The following AGO3 variants were observed in gnomAD, a reference collection of about 807,000 sequenced individuals.
AGO3 encodes the protein argonaute RISC catalytic component 3, also known as protein argonaute-3.
In AGO3, 16 loss-of-function variants were observed where a neutral mutation model predicts 105.5. The ratio of observed to expected loss-of-function variants is 0.15; its 90% CI spans 0.10 to 0.23. The LOEUF (loss-of-function observed/expected upper bound fraction) is 0.23. Among genes scored for constraint, AGO3 ranks in the 10% least tolerant of loss-of-function variants. The pLI is 1.00. For synonymous variants in AGO3, 340 were observed against 367.3 expected (o/e 0.93, Z 0.85); for missense variants, 534 against 1,088.0 (o/e 0.49, Z 7.16).
At chr1:35,951,364 C>T (rs1452456037) in intron 2 of AGO3, among the ~76,000 whole-genome samples, 1 of 152,124 alleles carries the variant, frequency 6.6e-6, no homozygotes, top group Non-Finnish European at 1.5e-5. Flanking sequence ...CTGCATATTT[C>T]ATATTGATAT....
chr1:36,020,364 C>G, intron 11 of AGO3, among the ~76,000 whole-genome samples: 1 of 152,086 alleles, frequency 6.6e-6, no homozygotes, highest in Non-Finnish European at 1.5e-5. Flanking sequence ...AAAATCTGGC[C>G]AAGTATTTTC....
chr1:35,984,733 CA>C (rs1222296397), intron 5 of AGO3, among the ~76,000 whole-genome samples: 2 of 152,062 alleles, frequency 1.3e-5, no homozygotes, highest in Admixed American at 1.3e-4. Context: ...TCATATTAAA[CA>C]AAGAATGAAT....
chr1:35,953,197 G>A (rs1206854856), intron 2 of AGO3, among the ~76,000 whole-genome samples: 1 of 151,966 alleles, frequency 6.6e-6, no homozygotes, highest in Non-Finnish European at 1.5e-5. Context: ...GGGATGCTGA[G>A]GTGAAAGGAT....
chr1:35,998,682 A>G (rs949725163), intron 5 of AGO3, among the ~76,000 whole-genome samples: 1 of 151,806 alleles, frequency 6.6e-6, no homozygotes, highest in African/African-American at 2.4e-5. Flanking sequence ...GCCACTTTTT[A>G]TTGTTTTATT....
At chr1:35,946,664 A>T (rs570250461) in intron 2 of AGO3, among the ~76,000 whole-genome samples, 12 of 152,326 alleles carry the variant, frequency 7.9e-5, no homozygotes, top group Non-Finnish European at 1.5e-4. Context: ...TGGTAGAGGA[A>T]ATAAGACATG....
chr1:35,973,308 CT>C, intron 4 of AGO3, 66 bp from the exon 5 acceptor site: 1 of 1,338,870 alleles, frequency 7.5e-7, no homozygotes, highest in Non-Finnish European at 9.8e-7. Context: ...CTAGTCTCCC[CT>C]TTTCTGCAGA....
chr1:35,996,672 G>C (rs1297457038), intron 5 of AGO3, among the ~76,000 whole-genome samples: 1 of 151,772 alleles, frequency 6.6e-6, no homozygotes, highest in African/African-American at 2.4e-5. Context: ...TCAGGAAGCT[G>C]AGGCAGGAGA....
chr1:36,043,862 T>TA (rs572252684), intron 17 of AGO3, among the ~76,000 whole-genome samples: 1,710 of 148,116 alleles, frequency 0.012, 27 homozygotes, highest in Admixed American at 0.02. Flanking sequence ...TATGCATCTT[T>TA]AAAAAAAAAA....
rs985194779 is a variant in AGO3, at chr1:36,057,729, C to T, written c.*1984C>T. ...CGGTGGCTCATGCCTGTAATCCTAG[C>T]ACTTTGGGAGGCTGAGACAGGTATA... On this transcript the variant is annotated 3_prime_UTR_variant, in exon 19 of 19. Transcript: ENST00000373191. The T allele has an allele frequency of 2.0e-5, 3 of 152,140 alleles. No homozygotes were observed. The highest frequency in any genetic ancestry group is 7.2e-5 in the African/African-American group (3 of 41,434). 9.4% of individuals were successfully genotyped at this position (152,140 alleles called of 1,614,324 possible).
At chr1:35,976,372 A>G (rs1317963530) in intron 5 of AGO3, among the ~76,000 whole-genome samples, 1 of 151,554 alleles carries the variant, frequency 6.6e-6, no homozygotes, top group East Asian at 1.9e-4. Context: ...ATTGAATTCC[A>G]TTATTGTTTG....
intron 17 of AGO3, among the ~76,000 whole-genome samples, chr1:36,044,354 T>TA (rs973266385): frequency 6.6e-6 from 1 of 151,654 alleles, no homozygotes; most frequent in Admixed American, 6.6e-5. Context: ...TCTCAAAAAA[T>TA]AAAAAAAAAT....
intron 5 of AGO3, among the ~76,000 whole-genome samples, chr1:35,987,734 G>A (rs1210845596): frequency 2.6e-5 from 4 of 151,026 alleles, no homozygotes; most frequent in African/African-American, 4.9e-5. Context: ...AAAGTATAAC[G>A]TGCCATTGGG....
At chr1:36,046,707 G>A (rs918484057) in intron 17 of AGO3, among the ~76,000 whole-genome samples, 4 of 127,362 alleles carry the variant, frequency 3.1e-5, no homozygotes, top group Non-Finnish European at 4.7e-5. Context: ...GCATCTCAAT[G>A]TACTAAGCAG....
chr1:35,949,821 C>T (rs1646436499), intron 2 of AGO3, among the ~76,000 whole-genome samples: 1 of 152,124 alleles, frequency 6.6e-6, no homozygotes, highest in African/African-American at 2.4e-5. Flanking sequence ...ACGAGTTCTC[C>T]CTATGTTGCC....
intron 2 of AGO3, 103 bp downstream of exon 2, chr1:35,945,966 T>G (rs986753481): frequency 4.1e-6 from 5 of 1,205,580 alleles, no homozygotes; most frequent in Non-Finnish European, 5.6e-6. Context: ...TGTAACAGTT[T>G]GACCAAAAAC....
chr1:36,020,092 T>G (rs1641137428), intron 11 of AGO3, among the ~76,000 whole-genome samples: 1 of 152,150 alleles, frequency 6.6e-6, no homozygotes, highest in South Asian at 2.1e-4. Flanking sequence ...TTTTATCTCT[T>G]CCTTGATGAA....
intron 9 of AGO3, among the ~76,000 whole-genome samples, chr1:36,010,141 A>G (rs1317939459): frequency 6.6e-6 from 1 of 151,634 alleles, no homozygotes; most frequent in African/African-American, 2.4e-5. Flanking sequence ...GGATTTTACC[A>G]TGTTAGCCAG....
chr1:35,952,545 TA>T (rs1164192944), intron 2 of AGO3, among the ~76,000 whole-genome samples: 1 of 152,224 alleles, frequency 6.6e-6, no homozygotes, highest in Admixed American at 6.5e-5. Flanking sequence ...CATGTATCAG[TA>T]TATTCAGGCA....
At chr1:36,011,893 A>G (rs1253446745) in intron 9 of AGO3, among the ~76,000 whole-genome samples, 1 of 152,238 alleles carries the variant, frequency 6.6e-6, no homozygotes, top group Admixed American at 6.5e-5. Context: ...GTGAAAATGT[A>G]TCATTAAGCA....
Sources: gnomAD v4.1 joint callset for allele counts (sites outside exome capture counted in the v4.1 genomes callset) on GRCh38, gnomAD v4.1.1 for gene constraint, MANE v1.5 for transcripts, NCBI Gene and HGNC (gene_info 2026-07-23, HGNC 2026-07-21) for gene names.